Variants in MRPS30 observed in about 807,000 individuals in gnomAD.
The protein encoded by MRPS30 is mitochondrial ribosomal protein S30.
MRPS30 carries 42 observed loss-of-function variants against 43.8 expected under a neutral mutation model. The ratio of observed to expected loss-of-function variants is 0.96; its 90% CI spans 0.75 to 1.24. The LOEUF (loss-of-function observed/expected upper bound fraction) is 1.24. Ranked by LOEUF, MRPS30 falls within the 50% of genes most tolerant of loss-of-function variation. The pLI is 0.00. For synonymous variants in MRPS30, 273 were observed against 228.2 expected (o/e 1.20, Z -1.77); for missense variants, 638 against 570.0 (o/e 1.12, Z -1.22).
intron 3 of MRPS30, 47 bp from the exon 4 acceptor site, chr5:44,813,059 G>A (rs745942971): frequency 6.3e-7 from 1 of 1,581,244 alleles, no homozygotes; most frequent in African/African-American, 1.4e-5. Flanking sequence ...TGCTCCACAT[G>A]TTCTACATGT....
intron 2 of MRPS30, 87 bp from the exon 3 acceptor site, chr5:44,811,828 A>G: frequency 1.2e-6 from 1 of 813,030 alleles, no homozygotes; most frequent in Admixed American, 3.2e-5. Context: ...AAATCACCTC[A>G]TTTTAAGATT....
At chr5:44,811,715 G>C (rs1742841874) in intron 2 of MRPS30, among the ~76,000 whole-genome samples, 200 bp from the exon 3 acceptor site, 1 of 152,184 alleles carries the variant, frequency 6.6e-6, no homozygotes, top group African/African-American at 2.4e-5. Context: ...ATTTATAAAT[G>C]AATATGTGTC....
In MRPS30 at chr5:44,815,223, A is replaced by G. The variant is rs1471767513; in HGVS notation, c.*21A>G. ...ACTGAAAAAGCATATTTGATTGAGA[A>G]CTGTGGGAATATTTAAATTTTACTG... is the stretch of plus-strand genomic sequence containing the variant. On this transcript the variant is annotated 3_prime_UTR_variant, in exon 5 of 5. Transcript: ENST00000507110. 1 of 1,537,534 alleles carries G rather than the reference A, an allele frequency of 6.5e-7. No homozygotes were observed. The highest frequency in any genetic ancestry group is 2.1e-5 in the Admixed American group (1 of 48,050).
chr5:44,809,263 A>C lies in MRPS30; in HGVS notation c.301A>C (p.Asn101His). Residue 101 changes from asparagine (N) to histidine (H), a missense_variant, in exon 1 of 5, where the codon AAT becomes CAT. By Grantham distance (68) the Asn-to-His change is moderately conservative. Coordinates refer to ENST00000507110, the MANE Select transcript of MRPS30 (RefSeq NM_016640.4). ...YMVYPQTFAL[N>H]ADRWYQYFTK... is the part of the protein sequence containing the mutation. ...GGTTTACCCGCAGACCTTCGCGCTG[A>C]ATGCCGACCGCTGGTACCAGTACTT... 6.2e-7 allele frequency: 1 copy of C among 1,613,558 alleles called. No homozygotes were observed. The highest frequency in any genetic ancestry group is 1.3e-5 in the African/African-American group (1 of 75,044).
At position 44,814,916 on chromosome 5, in the gene MRPS30, T is replaced by G. The variant is rs758792354; in HGVS notation, c.1034T>G (p.Phe345Cys). ...TCAGCATAACTTTCTTCTACAGGAT[T>G]CTGGAGTGAAGCAGATGTTACTCGA... is the stretch of plus-strand genomic sequence containing the variant. ...WTGAQAMYQG[F>C]WSEADVTRPF... Residue 345 changes from phenylalanine (F) to cysteine (C), a missense_variant, in exon 5 of 5, where the codon TTC becomes TGC. By Grantham distance (205) the Phe-to-Cys change is radical. Transcript: ENST00000507110. 2.1e-5 allele frequency: 34 copies of G among 1,603,962 alleles called. No homozygotes were observed. The South Asian group carries it at 3.7e-4, about 17-fold the overall frequency.
rs745925209 is a variant in MRPS30, at chr5:44,811,908, CT to C, written c.748-4del. The C allele has an allele frequency of 6.7e-7, 1 of 1,488,430 alleles. No homozygotes were observed. The highest frequency in any genetic ancestry group is 1.3e-5 in the South Asian group (1 of 78,166). The allele number at this position is 1,488,430 out of a possible 1,614,324, so 92.2% of individuals were successfully genotyped here. The stretch of plus-strand genomic sequence containing the variant: ...TGAATTTAGTATGTCTTTTCTTTTT[CT>C]TTAAGTTTGTGCCATTGGATTATTC... On this transcript the variant is annotated splice_region_variant and splice_polypyrimidine_tract_variant and intron_variant, in intron 2 of 4. Transcript: ENST00000507110.
At chr5:44,814,832 A>G (rs1287458905) in intron 4 of MRPS30, 81 bp from the exon 5 acceptor site, 4 of 1,292,892 alleles carry the variant, frequency 3.1e-6, no homozygotes, top group Admixed American at 2.4e-5. Context: ...GGTATTTGAT[A>G]CCCTCTAATG....
chr5:44,811,179 T>C (rs1742834848), intron 2 of MRPS30, 25 bp downstream of exon 2: 2 of 1,609,170 alleles, frequency 1.2e-6, no homozygotes, highest in Non-Finnish European at 1.7e-6. Flanking sequence ...CGATTATGTA[T>C]CTATTGATAT....
At chr5:44,812,930 TTTAATTTTATTATGATCCATA>T (rs1742866042) in intron 3 of MRPS30, among the ~76,000 whole-genome samples, 155 bp from the exon 4 acceptor site, 2 of 152,238 alleles carry the variant, frequency 1.3e-5, no homozygotes, top group South Asian at 2.1e-4. Context: ...TCCTGTGAAA[TTTAATTTTATTATGATCCATA>T]AGATATATAA....
Position 44,809,515 on chromosome 5 carries a change from G to C in MRPS30, c.553G>C (p.Val185Leu). 1 of 1,612,140 alleles carries C rather than the reference G, an allele frequency of 6.2e-7. No individual in the cohort carries two copies. The highest frequency in any genetic ancestry group is 8.5e-7 in the Non-Finnish European group (1 of 1,179,158). Residue 185 changes from valine to leucine, a missense_variant, in exon 1 of 5, where the codon GTG becomes CTG. Coordinates refer to ENST00000507110, the MANE Select transcript of MRPS30 (RefSeq NM_016640.4). ...CCTGGATCAGCTGGTGTCAACCCTC[G>C]TGGGCCTCCTCAGCCCACACAACCC... Reference protein sequence around the residue: ...PFLDQLVSTLVGLLSPHNPAL... With the variant: ...PFLDQLVSTLLGLLSPHNPAL...
At position 44,809,198 on chromosome 5, in the gene MRPS30, A is replaced by G. The variant is rs997052476; in HGVS notation, c.236A>G (p.Lys79Arg). The change falls in exon 1 of 5, where the codon AAG (lysine) becomes AGG (arginine). Residue 79 changes from lysine (K) to arginine (R), a missense_variant. Transcript: ENST00000507110. ...TVHAAESVDE[K>R]LRILTKMQFM... ...CACGCTGCGGAGTCGGTAGACGAGA[A>G]GCTGCGAATCCTCACCAAGATGCAG... 1.9e-6 allele frequency: 3 copies of G among 1,613,186 alleles called. No individual in the cohort carries two copies. Among genetic ancestry groups the G allele is most frequent in the Admixed American group, 3.3e-5 (2 of 59,990 alleles).
rs979327239 is a variant in MRPS30, at chr5:44,812,011, A to T, written c.844A>T (p.Ile282Leu). 7.6e-6 allele frequency: 12 copies of T among 1,581,154 alleles called. No homozygotes were observed. The Admixed American group carries it at 2.0e-4, about 26-fold the overall frequency. The change falls in exon 3 of 5, where the codon ATA (isoleucine) becomes TTA (leucine). Residue 282 changes from isoleucine (I) to leucine (L), a missense_variant. Physicochemically the swap from Ile to Leu is conservative, Grantham distance 5 (BLOSUM62 2). Coordinates refer to ENST00000507110, the MANE Select transcript of MRPS30 (RefSeq NM_016640.4). ...PLFKRQYENH[I>L]FVGSKTADPC... ...ATTCAAACGGCAGTATGAAAACCACATATTTGTTGGTAAGTTTCTCTTTTG... is the reference window on the plus strand; with the variant it reads ...ATTCAAACGGCAGTATGAAAACCACTTATTTGTTGGTAAGTTTCTCTTTTG...
intron 1 of MRPS30, 42 bp downstream of exon 1, chr5:44,809,605 G>T: frequency 6.6e-7 from 1 of 1,517,570 alleles, no homozygotes; most frequent in South Asian, 1.3e-5. Context: ...GGAGAGATGG[G>T]GATTGTACTG....
rs373759628 is a variant in MRPS30, at chr5:44,809,571, T to G, written c.601+8T>G. The G allele has an allele frequency of 1.1e-5, 17 of 1,580,562 alleles. No individual in the cohort carries two copies. In the East Asian group the frequency reaches 3.1e-4, roughly 29 times the overall value. ...TGGCCGCTGCCGCCCTCGGTGAGCC[T>G]TGGATTCCGCCCCAGGGCGGAAGGG... On this transcript the variant is annotated splice_region_variant and intron_variant, in intron 1 of 4. Transcript: ENST00000507110.
intron 1 of MRPS30, 97 bp from the exon 2 acceptor site, chr5:44,810,912 G>C (rs1456943978): frequency 5.6e-6 from 6 of 1,067,852 alleles, no homozygotes; most frequent in Middle Eastern, 5.4e-4. Context: ...TCATTCCTAA[G>C]TTATCATTTG....
chr5:44,815,110 G>A lies in MRPS30; in HGVS notation c.1228G>A (p.Val410Met), dbSNP rs1273460644. The A allele has an allele frequency of 1.2e-6, 2 of 1,612,230 alleles. No individual in the cohort carries two copies. Among genetic ancestry groups the A allele is most frequent in the Admixed American group, 1.7e-5 (1 of 59,994 alleles). The change falls in exon 5 of 5, where the codon GTG becomes ATG. Residue 410 changes from valine to methionine, a missense_variant. Transcript: ENST00000507110. ...PLYETIEDND[V>M]KGFNDDVLLQ... Reference sequence around the variant, plus strand: ...TTATGAAACAATTGAGGATAATGATGTGAAAGGTTTTAATGATGATGTTCT... The same window carrying A: ...TTATGAAACAATTGAGGATAATGATATGAAAGGTTTTAATGATGATGTTCT...
chr5:44,814,931 A>G lies in MRPS30; in HGVS notation c.1049A>G (p.Asp350Gly). The G allele has an allele frequency of 6.2e-7, 1 of 1,610,792 alleles. No homozygotes were observed. Among genetic ancestry groups the G allele is most frequent in the Non-Finnish European group, 8.5e-7 (1 of 1,178,402 alleles). Residue 350 changes from aspartate (D) to glycine (G), a missense_variant, in exon 5 of 5, where the codon GAT becomes GGT. Coordinates refer to ENST00000507110, the MANE Select transcript of MRPS30 (RefSeq NM_016640.4). ...AMYQGFWSEA[D>G]VTRPFVSQAV... ...TCTACAGGATTCTGGAGTGAAGCAG[A>G]TGTTACTCGACCTTTTGTCTCCCAG...
In MRPS30 at chr5:44,809,176, G is replaced by A; in HGVS notation, c.214G>A (p.Ala72Thr). 6.2e-7 allele frequency: 1 copy of A among 1,612,294 alleles called. No individual in the cohort carries two copies. The highest frequency in any genetic ancestry group is 8.5e-7 in the Non-Finnish European group (1 of 1,179,638). Residue 72 changes from alanine (A) to threonine (T), a missense_variant, in exon 1 of 5, where the codon GCT becomes ACT. Coordinates refer to ENST00000507110, the MANE Select transcript of MRPS30 (RefSeq NM_016640.4). Reference protein sequence around the residue: ...RIERWQATVHAAESVDEKLRI... With the variant: ...RIERWQATVHTAESVDEKLRI... ...CGAGCGCTGGCAGGCGACGGTGCAC[G>A]CTGCGGAGTCGGTAGACGAGAAGCT...
chr5:44,813,521 T>C (rs761334156), intron 4 of MRPS30: 3 of 332,476 alleles, frequency 9.0e-6, no homozygotes, highest in Non-Finnish European at 1.6e-5. Flanking sequence ...GAATGTACTT[T>C]TGCACACATT....
Sources: allele counts gnomAD v4.1 joint callset (sites outside exome capture counted in the v4.1 genomes callset), GRCh38; gene constraint gnomAD v4.1.1; transcripts MANE v1.5; gene names NCBI Gene and HGNC (gene_info 2026-07-23, HGNC 2026-07-21).